Variants in TCF7 observed in about 807,000 individuals in gnomAD.
The protein encoded by TCF7 is T-cell-factor-7.
Under a neutral mutation model 46.8 loss-of-function variants are expected in TCF7, and 19 were observed. The observed-to-expected ratio is 0.41, with a 90% CI of 0.28 to 0.60. TCF7 has a LOEUF of 0.60. Among genes scored for constraint, TCF7 ranks in the 20% least tolerant of loss-of-function variants. The pLI is 0.35. For synonymous variants in TCF7, 245 were observed against 213.4 expected (o/e 1.15, Z -1.29); for missense variants, 547 against 504.6 (o/e 1.08, Z -0.81).
intron 3 of TCF7, 184 bp downstream of exon 3, chr5:134,116,217 C>A (rs1755821823): frequency 7.6e-7 from 1 of 1,320,188 alleles, no homozygotes; most frequent in Non-Finnish European, 9.9e-7. Context: ...AAGGAGGGGC[C>A]GCCCTGGGGC....
chr5:134,126,411 G>A (rs747397994), intron 3 of TCF7, among the ~76,000 whole-genome samples: 2 of 152,226 alleles, frequency 1.3e-5, no homozygotes, highest in Admixed American at 6.5e-5. Context: ...ACCAGAAAGG[G>A]CCGGAGAGGA....
chr5:134,135,549 G>A (rs1758745903), intron 3 of TCF7, among the ~76,000 whole-genome samples: 1 of 152,178 alleles, frequency 6.6e-6, no homozygotes. Context: ...AGAGAAAAAG[G>A]AGTCAAGGAT....
At chr5:134,124,011 G>A (rs994638683) in intron 3 of TCF7, among the ~76,000 whole-genome samples, 2 of 152,078 alleles carry the variant, frequency 1.3e-5, no homozygotes, top group Admixed American at 6.5e-5. Flanking sequence ...GCTCTCTCGG[G>A]GTTCGGGATC....
chr5:134,138,794 C>A, intron 4 of TCF7, 157 bp from the exon 5 acceptor site: 2 of 1,222,252 alleles, frequency 1.6e-6, no homozygotes, highest in Non-Finnish European at 2.2e-6. Flanking sequence ...GCACTATTAT[C>A]ACACTGGGAT....
chr5:134,147,973 C>CAAAAAAAAAA lies in TCF7; in HGVS notation c.*1685_*1694dup, dbSNP rs57382538. 2 of 48,178 alleles carry CAAAAAAAAAA rather than the reference C, an allele frequency of 4.2e-5. 1 individual carries two copies. The highest frequency in any genetic ancestry group is 8.3e-5 in the Non-Finnish European group (2 of 24,182). 3.0% of individuals were successfully genotyped at this position (48,178 alleles called of 1,614,324 possible). On this transcript the variant is annotated 3_prime_UTR_variant, in exon 10 of 10. Transcript: ENST00000342854. ...TCTGGGTAACAGGGAGACTGCATCTCAAAAAAAAAAAAAAAAAAAAAAAAG... is the reference window on the plus strand; with the variant it reads ...TCTGGGTAACAGGGAGACTGCATCTCAAAAAAAAAAAAAAAAAAAAAAAAAAAAAAAAAAG...
chr5:134,119,089 G>T (rs1438801794), intron 3 of TCF7, among the ~76,000 whole-genome samples: 1 of 152,164 alleles, frequency 6.6e-6, no homozygotes, highest in African/African-American at 2.4e-5. Context: ...CTGTACTTTG[G>T]GGGGATTCTG....
At chr5:134,128,105 C>G (rs1363126090) in intron 3 of TCF7, among the ~76,000 whole-genome samples, 3 of 152,208 alleles carry the variant, frequency 2.0e-5, no homozygotes, top group Non-Finnish European at 4.4e-5. Flanking sequence ...CCTCCCCTTA[C>G]ACTCCGTTGC....
chr5:134,115,255 G>A, intron 1 of TCF7, 66 bp from the exon 2 acceptor site: 1 of 1,463,938 alleles, frequency 6.8e-7, no homozygotes, highest in Non-Finnish European at 9.1e-7. Flanking sequence ...GAGCGTCCCT[G>A]CCCCGGCGTC....
At chr5:134,127,547 G>T (rs1757500974) in intron 3 of TCF7, among the ~76,000 whole-genome samples, 1 of 152,210 alleles carries the variant, frequency 6.6e-6, no homozygotes, top group South Asian at 2.1e-4. Context: ...GCTGGGCTAG[G>T]GGGTTTCCTA....
intron 9 of TCF7, chr5:134,144,750 T>A: frequency 1.3e-6 from 2 of 1,488,966 alleles, no homozygotes; most frequent in Non-Finnish European, 1.9e-6. Flanking sequence ...CCCCGCTGCC[T>A]GCTCGCCCTC....
chr5:134,112,335 G>T (rs30493), upstream of TCF7, among the ~76,000 whole-genome samples: 109,422 of 152,136 alleles, frequency 0.72, 41,199 homozygotes, highest in East Asian at 0.85. Context: ...CTCCTGGAAG[G>T]CAGACACCTC....
intron 3 of TCF7, among the ~76,000 whole-genome samples, chr5:134,118,691 A>G (rs1233194233): frequency 1.3e-5 from 2 of 152,094 alleles, no homozygotes; most frequent in Non-Finnish European, 2.9e-5. Flanking sequence ...AGTTTATTCC[A>G]TGAACACTGT....
rs543502772 is a variant in TCF7, at chr5:134,146,987, A to G, written c.*684A>G. ...AGCATGGTCACAAGCACAAAGCTCA[A>G]GATGACAGCTCTTCTAAGGAAATGG... is the stretch of plus-strand genomic sequence containing the variant. On this transcript the variant is annotated 3_prime_UTR_variant, in exon 10 of 10. Coordinates refer to ENST00000342854, the MANE Select transcript of TCF7 (RefSeq NM_003202.5). 2 of 168,012 alleles carry G rather than the reference A, an allele frequency of 1.2e-5. No individual in the cohort carries two copies. Among genetic ancestry groups the G allele is most frequent in the African/African-American group, 4.8e-5 (2 of 41,784 alleles). 10.4% of individuals were successfully genotyped at this position (168,012 alleles called of 1,614,324 possible). A position where few individuals can be genotyped will look rare whatever the true frequency, so the allele number is the denominator to read the frequency against.
chr5:134,145,147 C>T, intron 9 of TCF7: 1 of 633,804 alleles, frequency 1.6e-6, no homozygotes, highest in Admixed American at 1.9e-5. Flanking sequence ...GCCAGTGGGC[C>T]TAGCAGGTCC....
intron 3 of TCF7, among the ~76,000 whole-genome samples, chr5:134,127,723 C>T (rs771876457): frequency 1.3e-5 from 2 of 152,210 alleles, no homozygotes; most frequent in Non-Finnish European, 1.5e-5. Flanking sequence ...CTCGCTGCCC[C>T]GCCGCCTCCC....
intron 3 of TCF7, chr5:134,123,539 G>A (rs1004674589): frequency 2.6e-6 from 1 of 390,534 alleles, no homozygotes; most frequent in Non-Finnish European, 5.2e-6. Context: ...GTGAGAGGGG[G>A]AGAACACTCT....
chr5:134,139,395 G>A (rs770632484), intron 5 of TCF7: 59 of 233,102 alleles, frequency 2.5e-4, no homozygotes, highest in Non-Finnish European at 4.6e-4. Flanking sequence ...AGGTGGGCCC[G>A]AGCAGGGAGG....
intron 3 of TCF7, among the ~76,000 whole-genome samples, chr5:134,126,812 G>C (rs1250459920): frequency 6.6e-6 from 1 of 151,804 alleles, no homozygotes; most frequent in African/African-American, 2.4e-5. Context: ...CAGGAGAATC[G>C]CATGAACCTG....
intron 3 of TCF7, among the ~76,000 whole-genome samples, chr5:134,128,227 G>A (rs116435136): frequency 3.2e-3 from 485 of 152,254 alleles, no homozygotes; most frequent in African/African-American, 0.011. Context: ...CCCTGTTTGC[G>A]TCATGCTACA....
Sources: allele counts gnomAD v4.1 joint callset (sites outside exome capture counted in the v4.1 genomes callset), GRCh38; gene constraint gnomAD v4.1.1; transcripts MANE v1.5; gene names NCBI Gene and HGNC (gene_info 2026-07-23, HGNC 2026-07-21).